Variants in SCRG1 observed in about 807,000 individuals in gnomAD.
SCRG1 encodes the protein scrapie-responsive protein 1.
A neutral mutation model predicts 7.7 loss-of-function variants in SCRG1; 3 were observed. The ratio of observed to expected loss-of-function variants is 0.39; its 90% confidence interval spans 0.18 to 1.01. The LOEUF is 1.01. Ranked by LOEUF, SCRG1 falls within the 50% of genes least tolerant of loss-of-function variation. The probability of loss-of-function intolerance (pLI) is 0.36; values close to 1 mark genes in which losing one functional copy is unlikely to be tolerated. For synonymous variants in SCRG1, 46 were observed against 41.2 expected (o/e 1.12, Z -0.44); for missense variants, 110 against 117.2 (o/e 0.94, Z 0.28).
At position 173,388,152 on chromosome 4, in the gene SCRG1, C is replaced by T; in HGVS notation, c.*189G>A. On this transcript the variant is annotated 3_prime_UTR_variant, in exon 3 of 3. Transcript: ENST00000296506. The stretch of plus-strand genomic sequence containing the variant: ...TTTTAACCAATGCCAACAATGTCCA[C>T]AGAGAAAAATTAGATTGAATTAACT... 2.2e-6 allele frequency: 1 copy of T among 460,166 alleles called. No homozygotes were observed. Among genetic ancestry groups the T allele is most frequent in the Admixed American group, 4.2e-5 (1 of 23,762 alleles). 28.5% of individuals were successfully genotyped at this position (460,166 alleles called of 1,614,324 possible).
the SCRG1 span, among the ~76,000 whole-genome samples, chr4:173,485,182 C>T: frequency 5.9e-3 from 604 of 102,404 alleles, 168 homozygotes; most frequent in African/African-American, 0.031. Flanking sequence ...TTATATATTA[C>T]ATTATATGTA....
chr4:173,485,077 T>TATATAATATATA, the SCRG1 span, among the ~76,000 whole-genome samples: 1 of 8,912 alleles, frequency 1.1e-4, no homozygotes, highest in African/African-American at 2.7e-4. Context: ...TATTATATAT[T>TATATAATATATA]ATATAATATA....
the SCRG1 span, among the ~76,000 whole-genome samples, chr4:173,485,143 ATAATG>A: frequency 2.9e-4 from 5 of 17,362 alleles, no homozygotes; most frequent in African/African-American, 6.4e-4. Context: ...TATATTACAT[ATAATG>A]TAATATATAA....
upstream of SCRG1, among the ~76,000 whole-genome samples, chr4:173,402,875 A>C (rs1430548573): frequency 6.6e-6 from 1 of 152,172 alleles, no homozygotes; most frequent in Non-Finnish European, 1.5e-5. Context: ...ACTTATTGAA[A>C]ACTAACTCAC....
chr4:173,432,013 G>A, the SCRG1 span, among the ~76,000 whole-genome samples: 1 of 152,166 alleles, frequency 6.6e-6, no homozygotes, highest in South Asian at 2.1e-4. Flanking sequence ...TTCCAGATAG[G>A]AATCACTTGT....
At chr4:173,465,841 T>A in the SCRG1 span, among the ~76,000 whole-genome samples, 1 of 152,090 alleles carries the variant, frequency 6.6e-6, no homozygotes. Flanking sequence ...TGAGATCCAC[T>A]TTTTTCACTT....
chr4:173,471,609 T>G, the SCRG1 span, among the ~76,000 whole-genome samples: 2 of 151,926 alleles, frequency 1.3e-5, no homozygotes, highest in African/African-American at 4.8e-5. Flanking sequence ...GGCAAACCAG[T>G]TTTTGGATTG....
the SCRG1 span, among the ~76,000 whole-genome samples, chr4:173,444,347 C>T: frequency 6.6e-6 from 1 of 152,130 alleles, no homozygotes; most frequent in Non-Finnish European, 1.5e-5. Flanking sequence ...TCTATTCTTC[C>T]CTGAATGTAA....
chr4:173,478,766 G>A, the SCRG1 span, among the ~76,000 whole-genome samples: 505 of 152,304 alleles, frequency 3.3e-3, 1 homozygote, highest in African/African-American at 6.9e-3. Context: ...AGAAGCCACT[G>A]TGGAAGATGA....
chr4:173,445,893 T>C, the SCRG1 span, among the ~76,000 whole-genome samples: 3 of 152,000 alleles, frequency 2.0e-5, no homozygotes, highest in Admixed American at 2.0e-4. Flanking sequence ...CTCGAACTCC[T>C]GACCTTGTGA....
At chr4:173,452,161 A>C in the SCRG1 span, among the ~76,000 whole-genome samples, 1 of 151,900 alleles carries the variant, frequency 6.6e-6, no homozygotes, top group East Asian at 1.9e-4. Flanking sequence ...GATTGAACCC[A>C]GGAGGCAGCG....
At chr4:173,497,466 A>G in the SCRG1 span, among the ~76,000 whole-genome samples, 161 of 152,054 alleles carry the variant, frequency 1.1e-3, 1 homozygote, top group East Asian at 0.027. Flanking sequence ...ACATCCCGGG[A>G]AAACATATCA....
At chr4:173,485,210 T>A in the SCRG1 span, among the ~76,000 whole-genome samples, 1 of 32,762 alleles carries the variant, frequency 3.1e-5, no homozygotes, top group South Asian at 4.6e-4. Context: ...TGATATATTA[T>A]ATATAGGATA....
the SCRG1 span, among the ~76,000 whole-genome samples, chr4:173,484,233 A>AT: frequency 2.2e-3 from 167 of 77,548 alleles, 3 homozygotes; most frequent in East Asian, 0.01. Flanking sequence ...TATAATATAT[A>AT]TTTATATATT....
chr4:173,445,582 G>A, the SCRG1 span, among the ~76,000 whole-genome samples: 7 of 78,622 alleles, frequency 8.9e-5, no homozygotes, highest in East Asian at 7.9e-4. Context: ...ACTCCGTCTC[G>A]GAAAAAAAAA....
chr4:173,473,239 G>C, the SCRG1 span, among the ~76,000 whole-genome samples: 1 of 152,236 alleles, frequency 6.6e-6, no homozygotes, highest in Non-Finnish European at 1.5e-5. Context: ...GTTTCTGCCA[G>C]CTAGGAACTC....
intron 1 of SCRG1, among the ~76,000 whole-genome samples, chr4:173,404,837 T>A (rs565580837): frequency 2.0e-5 from 3 of 152,332 alleles, no homozygotes; most frequent in Admixed American, 2.0e-4. Flanking sequence ...CTACTTCCCA[T>A]TTTTCTATGA....
At chr4:173,451,675 T>C in the SCRG1 span, among the ~76,000 whole-genome samples, 16,154 of 130,710 alleles carry the variant, frequency 0.12, 977 homozygotes, top group African/African-American at 0.14. Context: ...TATTTATTTA[T>C]TTATTTATTT....
At chr4:173,391,475 G>T in intron 1 of SCRG1, 47 bp from the exon 2 acceptor site, 2 of 1,589,558 alleles carry the variant, frequency 1.3e-6, no homozygotes, top group Non-Finnish European at 1.7e-6. Context: ...GTTTTTTAAA[G>T]ATAGAATTCA....
Sources: allele counts gnomAD v4.1 joint callset (sites outside exome capture counted in the v4.1 genomes callset), GRCh38; gene constraint gnomAD v4.1.1; transcripts MANE v1.5; gene names NCBI Gene and HGNC (gene_info 2026-07-23, HGNC 2026-07-21).